TPO: variants seen among roughly 807,000 people sequenced by gnomAD.
TPO encodes thyroid microsomal antigen.
TPO carries 78 observed loss-of-function variants against 96.9 expected under a neutral mutation model. The ratio of observed to expected loss-of-function variants is 0.81; its 90% CI spans 0.67 to 0.97. The LOEUF is 0.97. Ranked by LOEUF, TPO falls within the 50% of genes least tolerant of loss-of-function variation. TPO has a pLI of 0.00. For missense variants in TPO, 1,252 were observed against 1,274.8 expected, an observed-to-expected ratio of 0.98 and a Z score of 0.27; for synonymous variants, 547 against 538.0, an observed-to-expected ratio of 1.02 and a Z score of -0.23.
chr2:1,509,725 G>GCCCACCCTCTTTTTTCAGGGATCC (rs375563935), intron 14 of TPO, among the ~76,000 whole-genome samples: 1 of 137,696 alleles, frequency 7.3e-6, no homozygotes. Context: ...GTCAGGCACA[G>GCCCACCCTCTTTTTTCAGGGATCC]CCCACCCTCT....
chr2:1,505,796 C>A (rs1558378346), intron 14 of TPO, among the ~76,000 whole-genome samples: 1 of 151,068 alleles, frequency 6.6e-6, no homozygotes, highest in African/African-American at 2.4e-5. Context: ...TGCAAAGGAA[C>A]CATTTGTTTA....
At chr2:1,541,146 C>G in intron 16 of TPO, 1 of 1,179,134 alleles carries the variant, frequency 8.5e-7, no homozygotes, top group Non-Finnish European at 1.1e-6. Flanking sequence ...TATGCAGAAC[C>G]CCAAGGGAGG....
At chr2:1,422,371 C>CCTCGTGCAGCCGCCTCTCCTGGACA (rs1190547540) in intron 2 of TPO, among the ~76,000 whole-genome samples, 13 of 49,820 alleles carry the variant, frequency 2.6e-4, no homozygotes, top group East Asian at 1.3e-3. Context: ...CGCGCTGGAC[C>CCTCGTGCAGCCGCCTCTCCTGGACA]GACCTCGTGC....
At position 1,542,588 on chromosome 2, in the gene TPO, G is replaced by GGTAAATCTA; in HGVS notation, c.*118_*126dup. ...GCAGGACGACTGTTTTCCCAACACG[G>GGTAAATCTA]GTAAATCTAGTACCATGTCGTAGTT... On this transcript the variant is annotated 3_prime_UTR_variant, in exon 17 of 17. Transcript: ENST00000329066. The GGTAAATCTA allele has an allele frequency of 6.4e-7, 1 of 1,563,310 alleles. No homozygotes were observed. The highest frequency in any genetic ancestry group is 1.7e-4 in the Middle Eastern group (1 of 6,002).
intron 15 of TPO, among the ~76,000 whole-genome samples, chr2:1,527,262 C>CG (rs1676794029): frequency 6.9e-6 from 1 of 144,656 alleles, no homozygotes; most frequent in East Asian, 2.4e-4. Flanking sequence ...CCCCAAAACC[C>CG]CCACTGTGAG....
At chr2:1,438,496 C>T (rs1665815141) in intron 5 of TPO, among the ~76,000 whole-genome samples, 1 of 152,188 alleles carries the variant, frequency 6.6e-6, no homozygotes, top group Non-Finnish European at 1.5e-5. Flanking sequence ...CTGCTGCCTT[C>T]TGTCTGTCAG....
At chr2:1,422,608 C>T (rs915277901) in intron 2 of TPO, among the ~76,000 whole-genome samples, 12 of 152,114 alleles carry the variant, frequency 7.9e-5, no homozygotes, top group African/African-American at 2.9e-4. Flanking sequence ...ACCTCTTACA[C>T]ATTCCAGGTG....
chr2:1,378,816 G>T (rs1460903950), intron 1 of TPO, among the ~76,000 whole-genome samples: 1 of 152,150 alleles, frequency 6.6e-6, no homozygotes, highest in African/African-American at 2.4e-5. Context: ...CAGAAGGTCC[G>T]AGAGATGTTA....
intron 15 of TPO, among the ~76,000 whole-genome samples, chr2:1,523,874 C>CA (rs200803318): frequency 0.018 from 1,908 of 105,170 alleles, 48 homozygotes; most frequent in South Asian, 0.062. Context: ...CAAATCCCCC[C>CA]AGTGTGTACA....
Position 1,477,652 on chromosome 2 carries a change from G to T in TPO, c.1338+48G>T, listed in dbSNP as rs573059995. 24 of 1,439,978 alleles carry T rather than the reference G, an allele frequency of 1.7e-5. No homozygotes were observed. The East Asian group carries it at 5.7e-4, about 34-fold the overall frequency. The allele number at this position is 1,439,978 out of a possible 1,614,324, so 89.2% of individuals were successfully genotyped here. ...CCCTGGGTGGCTGCGGGCAAAGCGG[G>T]GGGCGCCTCGTGTGGGTGCGCAGCA... On this transcript the variant is annotated intron_variant, in intron 8 of 16. Transcript: ENST00000329066.
At chr2:1,486,565 A>G (rs1671185724) in intron 9 of TPO, among the ~76,000 whole-genome samples, 1 of 152,132 alleles carries the variant, frequency 6.6e-6, no homozygotes, top group Non-Finnish European at 1.5e-5. Flanking sequence ...ATAAAAATAA[A>G]AGGCTAAACT....
intron 6 of TPO, 119 bp downstream of exon 6, chr2:1,453,942 T>A (rs1667553975): frequency 1.4e-6 from 2 of 1,452,230 alleles, no homozygotes. Context: ...TCCCTTCAGA[T>A]CCTCCCAGCC....
intron 15 of TPO, among the ~76,000 whole-genome samples, chr2:1,528,661 C>A (rs1167880911): frequency 6.9e-6 from 1 of 145,172 alleles, no homozygotes; most frequent in Non-Finnish European, 1.5e-5. Flanking sequence ...ACCACATCCA[C>A]CACTGTGTGC....
chr2:1,515,934 A>G (rs933345209), intron 14 of TPO, among the ~76,000 whole-genome samples: 2 of 152,104 alleles, frequency 1.3e-5, no homozygotes, highest in Non-Finnish European at 2.9e-5. Context: ...TTAAATTCTT[A>G]TTTAAAAGTC....
intron 5 of TPO, among the ~76,000 whole-genome samples, chr2:1,439,985 C>A (rs529957646): frequency 3.3e-5 from 5 of 152,226 alleles, no homozygotes; most frequent in South Asian, 2.1e-4. Context: ...AAGTTCCCCC[C>A]CAGCGGTCTC....
chr2:1,453,612 G>T, intron 5 of TPO, 82 bp from the exon 6 acceptor site: 1 of 1,609,204 alleles, frequency 6.2e-7, no homozygotes, highest in Non-Finnish European at 8.5e-7. Context: ...TTCTCCCTGA[G>T]AATGGTGTCT....
Position 1,481,058 on chromosome 2 carries a change from G to A in TPO, c.1338+3454G>A, listed in dbSNP as rs140662801. On this transcript the variant is annotated intron_variant, in intron 8 of 16. Coordinates refer to ENST00000329066, the MANE Select transcript of TPO (RefSeq NM_001206744.2). ...CCGGCATCTCTCGGGGGACTCGCAC[G>A]TAGGAAGGGCTGATAAAGTTGCTCT... 1.1e-3 allele frequency among the ~76,000 whole-genome samples: 164 copies of A among 152,086 alleles called. 1 individual carries two copies. Among genetic ancestry groups the A allele is most frequent in the African/African-American group, 3.7e-3 (154 of 41,476 alleles).
chr2:1,442,899 T>G (rs1471806713), intron 5 of TPO, among the ~76,000 whole-genome samples: 1 of 152,222 alleles, frequency 6.6e-6, no homozygotes, highest in Non-Finnish European at 1.5e-5. Context: ...TCAAAGAGTC[T>G]GAGTCTTGAT....
chr2:1,438,953 C>A lies in TPO; in HGVS notation c.482+2569C>A. ...CTCCAATGACGTCTACATCCACCTG[C>A]AAAGCCTGCCCCTGGGTCCTGCAGT... On this transcript the variant is annotated intron_variant, in intron 5 of 16. Coordinates refer to ENST00000329066, the MANE Select transcript of TPO (RefSeq NM_001206744.2). The A allele has an allele frequency of 5.8e-6, 4 of 687,236 alleles. No individual in the cohort carries two copies. In the Admixed American group the frequency reaches 9.3e-5, roughly 16 times the overall value. The allele number at this position is 687,236 out of a possible 1,614,324, so 42.6% of individuals were successfully genotyped here.
Sources: allele counts gnomAD v4.1 joint callset (sites outside exome capture counted in the v4.1 genomes callset), GRCh38; gene constraint gnomAD v4.1.1; transcripts MANE v1.5; gene names NCBI Gene and HGNC (gene_info 2026-07-23, HGNC 2026-07-21).